Variants in TANC2 observed in about 807,000 individuals in gnomAD.
The protein encoded by TANC2 is protein TANC2.
Under a neutral mutation model 210.5 loss-of-function variants are expected in TANC2, and 26 were observed. The observed-to-expected ratio is 0.12, with a 90% CI of 0.09 to 0.17. The LOEUF (loss-of-function observed/expected upper bound fraction) is 0.17, where lower values mean the gene tolerates loss of function less well. Ranked by LOEUF, TANC2 falls within the 10% of genes least tolerant of loss-of-function variation. The pLI, the probability that TANC2 is intolerant of heterozygous loss-of-function variation, is 1.00. For missense variants in TANC2, 2,129 were observed against 2,608.9 expected (o/e 0.82, Z 4.01); for synonymous variants, 931 against 967.1 (o/e 0.96, Z 0.69).
intron 19 of TANC2, among the ~76,000 whole-genome samples, chr17:63,403,780 A>G (rs1026661034): frequency 6.6e-6 from 1 of 152,238 alleles, no homozygotes; most frequent in African/African-American, 2.4e-5. Context: ...ATTTTACTTC[A>G]TAAGTCCTTC....
At chr17:63,187,404 T>C (rs73323736) in intron 5 of TANC2, among the ~76,000 whole-genome samples, 11,487 of 152,230 alleles carry the variant, frequency 0.075, 1,367 homozygotes, top group African/African-American at 0.25. Context: ...TTAGGAATAG[T>C]ACCTGGCATG....
chr17:63,276,800 TCTTA>T (rs1313578294), intron 9 of TANC2, among the ~76,000 whole-genome samples: 13 of 152,180 alleles, frequency 8.5e-5, no homozygotes, highest in African/African-American at 3.1e-4. Flanking sequence ...TTATTGGAGT[TCTTA>T]CTCTTTGTGG....
chr17:63,080,464 G>A (rs2036731922), intron 3 of TANC2, among the ~76,000 whole-genome samples: 1 of 152,220 alleles, frequency 6.6e-6, no homozygotes, highest in Non-Finnish European at 1.5e-5. Flanking sequence ...CTGGTGTAAT[G>A]ATGTCCACGA....
At chr17:63,064,193 A>G (rs1409830037) in intron 2 of TANC2, among the ~76,000 whole-genome samples, 1 of 152,184 alleles carries the variant, frequency 6.6e-6, no homozygotes, top group Non-Finnish European at 1.5e-5. Context: ...AGTGGCTCAC[A>G]CCTGTAATCC....
chr17:63,313,753 A>T (rs72841368), intron 9 of TANC2, among the ~76,000 whole-genome samples: 21,523 of 152,168 alleles, frequency 0.14, 1,969 homozygotes, highest in Middle Eastern at 0.21. Context: ...ACTAGATTTT[A>T]AAAAATACTA....
intron 7 of TANC2, among the ~76,000 whole-genome samples, chr17:63,207,343 G>A (rs1278422381): frequency 6.7e-6 from 1 of 150,356 alleles, no homozygotes; most frequent in Non-Finnish European, 1.5e-5. Flanking sequence ...AGCCTCCCGA[G>A]TAGCTGGGAC....
intron 1 of TANC2, among the ~76,000 whole-genome samples, chr17:63,001,442 A>G (rs537285224): frequency 6.6e-6 from 1 of 152,032 alleles, no homozygotes; most frequent in Non-Finnish European, 1.5e-5. Context: ...TTACTCATTC[A>G]AGAAATGTTG....
At chr17:63,084,376 T>G (rs1244691961) in intron 3 of TANC2, among the ~76,000 whole-genome samples, 1 of 152,096 alleles carries the variant, frequency 6.6e-6, no homozygotes, top group African/African-American at 2.4e-5. Flanking sequence ...TCTCTCTCTC[T>G]CTTTTTTAGC....
At chr17:63,427,288 C>T (rs2049168393) in exon 28 of TANC2, 1 of 152,236 alleles carries the variant, frequency 6.6e-6, no homozygotes, top group Non-Finnish European at 1.5e-5. Flanking sequence ...GATTTTGATT[C>T]TTCCTCCTCT....
rs374804998 is a variant in TANC2, at chr17:62,973,089, C to T, written c.-24+6340C>T. On this transcript the variant is annotated intron_variant, in intron 1 of 27. Transcript: ENST00000689528. ...TGTTGCCTAGGCTAGAGTGTAATGG[C>T]GGCCATCTTGACTCACTGCAACTTC... 2.0e-5 allele frequency among the ~76,000 whole-genome samples: 3 copies of T among 150,490 alleles called. No homozygotes were observed. The East Asian group carries it at 5.9e-4, about 29-fold the overall frequency.
rs1417339665 is a variant in TANC2 at position 62,966,250 on chromosome 17, CG to C, written c.-521del. Among the ~76,000 whole-genome samples the C allele has an allele frequency of 6.8e-6, 1 of 146,156 alleles. No homozygotes were observed. Among genetic ancestry groups the C allele is most frequent in the Non-Finnish European group, 1.5e-5 (1 of 65,790 alleles). On this transcript the variant is annotated 5_prime_UTR_variant, in exon 1 of 28. Coordinates refer to ENST00000689528, the Ensembl canonical transcript of TANC2. This position sits in a 1 kb window ranked among gnomAD's most constrained non-coding sequence, Gnocchi z 5.1. ...CCAGCGCGGCGGCGGCGCTAGCGAG[CG>C]GCCGGCGGGGCGCGGGTTGCTGGGC... is the stretch of plus-strand genomic sequence containing the variant.
chr17:63,080,519 T>C (rs2144711839), intron 3 of TANC2, among the ~76,000 whole-genome samples: 1 of 152,372 alleles, frequency 6.6e-6, no homozygotes, highest in Admixed American at 6.5e-5. Flanking sequence ...CGATGTGGCT[T>C]TGCATGATTT....
rs180773073 is a variant in TANC2 at position 63,008,289 on chromosome 17, G to A, written c.-23-1248G>A. On this transcript the variant is annotated intron_variant, in intron 1 of 27. Coordinates refer to ENST00000689528, the Ensembl canonical transcript of TANC2. Reference sequence around the variant, plus strand: ...TATATTGCTTCTTCCCAATTTTCACGCTCTTATGAAATTTCAGTTATACAT... The same window carrying A: ...TATATTGCTTCTTCCCAATTTTCACACTCTTATGAAATTTCAGTTATACAT... 9.2e-5 allele frequency among the ~76,000 whole-genome samples: 14 copies of A among 151,970 alleles called. No individual in the cohort carries two copies. In the East Asian group the frequency reaches 1.4e-3, roughly 15 times the overall value.
intron 1 of TANC2, among the ~76,000 whole-genome samples, chr17:62,968,734 A>G (rs549476904): frequency 6.6e-6 from 1 of 152,280 alleles, no homozygotes; most frequent in African/African-American, 2.4e-5. Context: ...ATTGTTCTTG[A>G]TAGAGTATTA....
chr17:63,226,343 C>G (rs2042328533), intron 7 of TANC2, among the ~76,000 whole-genome samples: 1 of 152,082 alleles, frequency 6.6e-6, no homozygotes, highest in Non-Finnish European at 1.5e-5. Flanking sequence ...CTCGGTTGCC[C>G]TTAGGAGAAA....
chr17:63,123,306 C>G (rs1263912625), intron 4 of TANC2, among the ~76,000 whole-genome samples: 8 of 151,976 alleles, frequency 5.3e-5, no homozygotes, highest in Non-Finnish European at 1.2e-4. Flanking sequence ...GCCTGTAATC[C>G]CAGCACTTTG....
intron 8 of TANC2, among the ~76,000 whole-genome samples, chr17:63,266,504 C>G (rs932722762): frequency 1.3e-5 from 2 of 152,088 alleles, no homozygotes; most frequent in Non-Finnish European, 2.9e-5. Context: ...TTCTTGTTTC[C>G]TTATGCTGAG....
intron 4 of TANC2, among the ~76,000 whole-genome samples, chr17:63,126,701 G>A (rs1349383433): frequency 6.6e-6 from 1 of 152,062 alleles, no homozygotes; most frequent in Non-Finnish European, 1.5e-5. Flanking sequence ...GAGCCACCAT[G>A]CCCGACTCAC....
chr17:63,277,273 T>A (rs1038414344), intron 9 of TANC2, among the ~76,000 whole-genome samples: 1 of 149,028 alleles, frequency 6.7e-6, no homozygotes, highest in Non-Finnish European at 1.5e-5. Flanking sequence ...TCTTTCCATC[T>A]TCTTCTTTTT....
Sources: allele counts gnomAD v4.1 joint callset (sites outside exome capture counted in the v4.1 genomes callset), GRCh38; gene constraint gnomAD v4.1.1; non-coding constraint Gnocchi (gnomAD v3.1); transcripts MANE v1.5; gene names NCBI Gene and HGNC (gene_info 2026-07-23, HGNC 2026-07-21).